Variants in CACNA2D3 observed in about 807,000 individuals in gnomAD.
CACNA2D3 encodes the protein voltage-dependent calcium channel subunit alpha-2/delta-3.
Under a neutral mutation model 160.6 loss-of-function variants are expected in CACNA2D3, and 60 were observed. That is an observed-to-expected ratio of 0.37 (90% CI 0.30 to 0.46). CACNA2D3 has a LOEUF of 0.46. CACNA2D3 is among the 20% of genes least tolerant of loss of function. The probability of loss-of-function intolerance (pLI) is 1.00; values close to 1 mark genes in which losing one functional copy is unlikely to be tolerated. For synonymous variants in CACNA2D3, 558 were observed against 492.9 expected (o/e 1.13, Z -1.75); for missense variants, 1,205 against 1,365.0 (o/e 0.88, Z 1.85).
At chr3:55,048,997 T>C (rs1704125131) in intron 35 of CACNA2D3, among the ~76,000 whole-genome samples, 1 of 147,460 alleles carries the variant, frequency 6.8e-6, no homozygotes, top group Non-Finnish European at 1.5e-5. Context: ...CTCTCTTTTT[T>C]TCTTTATTAG....
intron 11 of CACNA2D3, among the ~76,000 whole-genome samples, chr3:54,664,674 T>C (rs1366316902): frequency 6.6e-6 from 1 of 152,278 alleles, no homozygotes; most frequent in Non-Finnish European, 1.5e-5. Flanking sequence ...GAGAAAGTCT[T>C]TGGCAGGTGC....
chr3:54,126,806 G>C (rs995629033), intron 2 of CACNA2D3, among the ~76,000 whole-genome samples: 3 of 152,136 alleles, frequency 2.0e-5, no homozygotes, highest in African/African-American at 7.2e-5. Flanking sequence ...ATACTGCAGG[G>C]GTTTCCGTTC....
At chr3:54,851,893 A>G (rs1013679359) in intron 17 of CACNA2D3, among the ~76,000 whole-genome samples, 2 of 152,218 alleles carry the variant, frequency 1.3e-5, no homozygotes, top group African/African-American at 4.8e-5. Flanking sequence ...GCACATCTCA[A>G]TTCAGGCAAG....
rs150819711 is a variant in CACNA2D3, at chr3:54,966,741, C to T, written c.2450-1709C>T. On this transcript the variant is annotated intron_variant, in intron 27 of 37. Coordinates refer to ENST00000474759, the MANE Select transcript of CACNA2D3 (RefSeq NM_018398.3). Reference sequence around the variant, plus strand: ...GGCTGAGGCATGAGAATCACTTGAACCCGGGAAGCAGAGGTTGCAGTGAGC... The same window carrying T: ...GGCTGAGGCATGAGAATCACTTGAATCCGGGAAGCAGAGGTTGCAGTGAGC... Among the ~76,000 whole-genome samples the T allele has an allele frequency of 8.5e-3, 1,294 of 152,184 alleles. 23 individuals carry two copies. Among genetic ancestry groups the T allele is most frequent in the African/African-American group, 0.029 (1,220 of 41,528 alleles).
intron 11 of CACNA2D3, among the ~76,000 whole-genome samples, chr3:54,736,050 T>G: frequency 2.6e-5 from 1 of 38,598 alleles, no homozygotes; most frequent in Non-Finnish European, 5.6e-5. Flanking sequence ...TATATACACA[T>G]ACATATGTAT....
intron 29 of CACNA2D3, among the ~76,000 whole-genome samples, chr3:54,978,919 A>G (rs890725776): frequency 9.2e-5 from 14 of 152,172 alleles, no homozygotes; most frequent in Non-Finnish European, 5.9e-5. Flanking sequence ...CTAGTTTCCC[A>G]TTTTTGCTGG....
At chr3:54,665,723 A>T (rs1700054063) in intron 11 of CACNA2D3, among the ~76,000 whole-genome samples, 1 of 152,078 alleles carries the variant, frequency 6.6e-6, no homozygotes, top group Non-Finnish European at 1.5e-5. Context: ...ATGAACTGTA[A>T]CATTAATAGT....
intron 35 of CACNA2D3, 87 bp downstream of exon 35, chr3:55,018,404 CA>C: frequency 1.3e-6 from 1 of 748,302 alleles, no homozygotes; most frequent in Non-Finnish European, 2.4e-6. Context: ...CTTGCAGGCA[CA>C]GTTACACCAA....
intron 9 of CACNA2D3, among the ~76,000 whole-genome samples, chr3:54,603,684 C>A (rs149041764): frequency 6.6e-6 from 1 of 152,210 alleles, no homozygotes; most frequent in Non-Finnish European, 1.5e-5. Flanking sequence ...ACAGCAATGA[C>A]GCTTTGTCTG....
chr3:54,962,101 G>A (rs1283961099), intron 27 of CACNA2D3, among the ~76,000 whole-genome samples: 1 of 152,090 alleles, frequency 6.6e-6, no homozygotes, highest in Non-Finnish European at 1.5e-5. Context: ...ATCCATTCAT[G>A]AGGACAGAGT....
chr3:54,696,569 G>A (rs1057116261), intron 11 of CACNA2D3, among the ~76,000 whole-genome samples: 1 of 152,074 alleles, frequency 6.6e-6, no homozygotes, highest in African/African-American at 2.4e-5. Context: ...GGAATGTGGT[G>A]GTAGCGAGTA....
chr3:55,002,736 C>A (rs1460828373), intron 31 of CACNA2D3, among the ~76,000 whole-genome samples: 1 of 152,174 alleles, frequency 6.6e-6, no homozygotes, highest in Admixed American at 6.5e-5. Flanking sequence ...CCACTGGTAT[C>A]CCCTTGGGCT....
At chr3:54,937,045 G>A (rs1559637140) in intron 27 of CACNA2D3, among the ~76,000 whole-genome samples, 1 of 152,100 alleles carries the variant, frequency 6.6e-6, no homozygotes, top group Non-Finnish European at 1.5e-5. Flanking sequence ...TAGATTTGCT[G>A]AGAAAGAGCA....
At chr3:54,414,538 T>C (rs894497717) in intron 4 of CACNA2D3, among the ~76,000 whole-genome samples, 1 of 152,166 alleles carries the variant, frequency 6.6e-6, no homozygotes, top group Admixed American at 6.5e-5. Flanking sequence ...GTTACCACGT[T>C]AGTGACCCTC....
At chr3:54,761,056 T>C (rs1282581372) in intron 12 of CACNA2D3, among the ~76,000 whole-genome samples, 1 of 151,468 alleles carries the variant, frequency 6.6e-6, no homozygotes, top group African/African-American at 2.4e-5. Context: ...AAATGTATGA[T>C]TGTTTTCCCC....
chr3:54,276,723 G>A, intron 2 of CACNA2D3, among the ~76,000 whole-genome samples: 1 of 152,052 alleles, frequency 6.6e-6, no homozygotes, highest in Non-Finnish European at 1.5e-5. Flanking sequence ...GGGCTGGTAT[G>A]GGAGAGAGGA....
intron 2 of CACNA2D3, 60 bp from the exon 3 acceptor site, chr3:54,320,382 A>G: frequency 1.3e-6 from 1 of 773,380 alleles, no homozygotes; most frequent in Admixed American, 2.9e-5. Flanking sequence ...GTGGTCTGAA[A>G]TCACAGCTGT....
intron 2 of CACNA2D3, among the ~76,000 whole-genome samples, chr3:54,207,808 G>A (rs1245051520): frequency 2.0e-5 from 3 of 152,044 alleles, no homozygotes; most frequent in African/African-American, 7.2e-5. Flanking sequence ...CCACGAGATA[G>A]GGCCGCTTGT....
chr3:54,837,777 C>A (rs1698727750), intron 15 of CACNA2D3, among the ~76,000 whole-genome samples: 2 of 152,116 alleles, frequency 1.3e-5, no homozygotes, highest in Admixed American at 6.6e-5. Context: ...TTCCATGTGA[C>A]CTGTTCCTCT....
Sources: allele counts gnomAD v4.1 joint callset (sites outside exome capture counted in the v4.1 genomes callset), GRCh38; gene constraint gnomAD v4.1.1; transcripts MANE v1.5; gene names NCBI Gene and HGNC (gene_info 2026-07-23, HGNC 2026-07-21).